Variants in EREG observed in about 807,000 individuals in gnomAD.
The protein encoded by EREG is proepiregulin.
In EREG, 23 loss-of-function variants were observed where a neutral mutation model predicts 22.4. That is an observed-to-expected ratio of 1.03 (90% CI 0.74 to 1.46). The LOEUF is 1.46. Among genes scored for constraint, EREG ranks in the 40% most tolerant of loss-of-function variants. The pLI, the probability that EREG is intolerant of heterozygous loss-of-function variation, is 0.00. For missense variants in EREG, 226 were observed against 205.9 expected (o/e 1.10, Z -0.60); for synonymous variants, 100 against 75.4 (o/e 1.33, Z -1.69).
chr4:74,380,881 T>C (rs891808399), intron 2 of EREG, 133 bp from the exon 3 acceptor site: 117 of 890,942 alleles, frequency 1.3e-4, no homozygotes, highest in Non-Finnish European at 1.8e-4. Context: ...ACTTCCTACT[T>C]CTCAAAATTC....
At chr4:74,379,227 C>A (rs533556511) in intron 1 of EREG, among the ~76,000 whole-genome samples, 1 of 152,128 alleles carries the variant, frequency 6.6e-6, no homozygotes, top group Non-Finnish European at 1.5e-5. Flanking sequence ...AATCTGTAAC[C>A]GTGAATGTAA....
At chr4:74,372,094 C>G (rs1172475900) in intron 1 of EREG, among the ~76,000 whole-genome samples, 1 of 152,100 alleles carries the variant, frequency 6.6e-6, no homozygotes, top group Non-Finnish European at 1.5e-5. Flanking sequence ...GGTAAGCTGC[C>G]CTCCTTTTTG....
At chr4:74,370,045 G>T (rs1752263811) in intron 1 of EREG, among the ~76,000 whole-genome samples, 1 of 152,162 alleles carries the variant, frequency 6.6e-6, no homozygotes, top group Admixed American at 6.6e-5. Context: ...GGAGTACACA[G>T]CATGTAAGGC....
chr4:74,365,733 T>C (rs376334675), intron 1 of EREG, among the ~76,000 whole-genome samples: 2 of 151,458 alleles, frequency 1.3e-5, no homozygotes, highest in South Asian at 2.1e-4. Context: ...TGTTAACATT[T>C]CATGTCTTGT....
chr4:74,377,965 C>T (rs1467470535), intron 1 of EREG, among the ~76,000 whole-genome samples: 2 of 152,328 alleles, frequency 1.3e-5, no homozygotes, highest in East Asian at 3.9e-4. Context: ...AACTATATCA[C>T]TGGTACATAG....
chr4:74,380,769 AT>A (rs1752459586), intron 2 of EREG, among the ~76,000 whole-genome samples: 1 of 152,222 alleles, frequency 6.6e-6, no homozygotes, highest in Non-Finnish European at 1.5e-5. Flanking sequence ...TCTTTTGAGA[AT>A]GAAATCCTTT....
At chr4:74,377,436 A>C (rs1458430387) in intron 1 of EREG, among the ~76,000 whole-genome samples, 1 of 152,206 alleles carries the variant, frequency 6.6e-6, no homozygotes, top group Non-Finnish European at 1.5e-5. Flanking sequence ...CCCATTTAAC[A>C]ATATGTATCC....
chr4:74,375,850 T>A (rs747588318), intron 1 of EREG, among the ~76,000 whole-genome samples: 1 of 152,158 alleles, frequency 6.6e-6, no homozygotes, highest in African/African-American at 2.4e-5. Flanking sequence ...GCCACATCCA[T>A]CCATGATGGA....
Position 74,365,278 on chromosome 4 carries a change from C to T in EREG, c.-31C>T, listed in dbSNP as rs199751779. 1.9e-6 allele frequency: 3 copies of T among 1,587,382 alleles called. No individual in the cohort carries two copies. Among genetic ancestry groups the T allele is most frequent in the East Asian group, 2.2e-5 (1 of 44,712 alleles). On this transcript the variant is annotated 5_prime_UTR_variant, in exon 1 of 5. Transcript: ENST00000244869. ...CCGTGCACTCTCCGCAGCCGCCCTC[C>T]GCCAAGCCCCAGCGCCCGCTCCCAT...
At chr4:74,372,918 C>T (rs1295972439) in intron 1 of EREG, among the ~76,000 whole-genome samples, 1 of 149,178 alleles carries the variant, frequency 6.7e-6, no homozygotes, top group Non-Finnish European at 1.5e-5. Flanking sequence ...CGCCATTCTC[C>T]TGCCTCAGCC....
chr4:74,374,819 G>C (rs1242975726), intron 1 of EREG, among the ~76,000 whole-genome samples: 1 of 152,106 alleles, frequency 6.6e-6, no homozygotes, highest in Non-Finnish European at 1.5e-5. Flanking sequence ...TGGCACATCT[G>C]AGATTTCACT....
In EREG at chr4:74,385,888, A is replaced by C; in HGVS notation, c.*1080A>C. On this transcript the variant is annotated 3_prime_UTR_variant, in exon 5 of 5. Transcript: ENST00000244869. ...CTAGAATGTAAAGTTATGTATTTAA[A>C]GTTGTATCTTGACACAGGAAATGGG... 1 of 396,824 alleles carries C rather than the reference A, an allele frequency of 2.5e-6. No individual in the cohort carries two copies. The highest frequency in any genetic ancestry group is 4.4e-6 in the Non-Finnish European group (1 of 224,922). The allele number at this position is 396,824 out of a possible 1,614,324, so 24.6% of individuals were successfully genotyped here.
rs1167931037 is a variant in EREG at position 74,365,226 on chromosome 4, C to A, written c.-83C>A. ...GCTGACAGCCGCTCTCCAGCCACTGCCGCGAGCCCGTCTGCTCCCGCCCTG... is the reference window on the plus strand; with the variant it reads ...GCTGACAGCCGCTCTCCAGCCACTGACGCGAGCCCGTCTGCTCCCGCCCTG... On this transcript the variant is annotated 5_prime_UTR_variant, in exon 1 of 5. Coordinates refer to ENST00000244869, the MANE Select transcript of EREG (RefSeq NM_001432.3). The A allele has an allele frequency of 3.6e-6, 4 of 1,119,366 alleles. No homozygotes were observed. Among genetic ancestry groups the A allele is most frequent in the Non-Finnish European group, 5.3e-6 (4 of 758,894 alleles). 69.3% of individuals were successfully genotyped at this position (1,119,366 alleles called of 1,614,324 possible). A position where few individuals can be genotyped will look rare whatever the true frequency, so the allele number is the denominator to read the frequency against.
chr4:74,383,783 C>G (rs527980533), intron 4 of EREG, among the ~76,000 whole-genome samples: 7 of 152,196 alleles, frequency 4.6e-5, no homozygotes, highest in Non-Finnish European at 8.8e-5. Context: ...AAGTATCCAT[C>G]AAATAATAAT....
At chr4:74,380,606 G>T (rs971030987) in intron 2 of EREG, among the ~76,000 whole-genome samples, 2 of 152,158 alleles carry the variant, frequency 1.3e-5, no homozygotes, top group Non-Finnish European at 2.9e-5. Context: ...TTAATTAATG[G>T]TATGAGCTTG....
intron 1 of EREG, 61 bp from the exon 2 acceptor site, chr4:74,379,386 AT>A: frequency 3.8e-6 from 4 of 1,053,668 alleles, no homozygotes; most frequent in Non-Finnish European, 5.9e-6. Flanking sequence ...TTATGTAGAA[AT>A]TTGATCAAGA....
At chr4:74,378,106 C>A (rs10518125) in intron 1 of EREG, among the ~76,000 whole-genome samples, 1 of 152,146 alleles carries the variant, frequency 6.6e-6, no homozygotes, top group Non-Finnish European at 1.5e-5. Context: ...GCTACTTCAA[C>A]GAAACAGGTT....
intron 2 of EREG, 73 bp from the exon 3 acceptor site, chr4:74,380,941 T>G: frequency 2.7e-6 from 4 of 1,503,590 alleles, no homozygotes; most frequent in South Asian, 2.5e-5. Flanking sequence ...GTTCAGTGGT[T>G]ACTGTTATGA....
intron 4 of EREG, among the ~76,000 whole-genome samples, chr4:74,383,149 T>C (rs1329686561): frequency 6.6e-6 from 1 of 152,218 alleles, no homozygotes; most frequent in African/African-American, 2.4e-5. Flanking sequence ...CTTACATAAG[T>C]CAAATTGAGA....
Sources: gnomAD v4.1 joint callset for allele counts (sites outside exome capture counted in the v4.1 genomes callset) on GRCh38, gnomAD v4.1.1 for gene constraint, MANE v1.5 for transcripts, NCBI Gene and HGNC (gene_info 2026-07-23, HGNC 2026-07-21) for gene names.